Variants in DSCAML1 observed in about 807,000 individuals in gnomAD.
The protein encoded by DSCAML1 is DS cell adhesion molecule like 1.
DSCAML1 carries 38 observed loss-of-function variants against 200.5 expected under a neutral mutation model. That is an observed-to-expected ratio of 0.19 (90% CI 0.15 to 0.25). The LOEUF is 0.25. DSCAML1 is among the 10% of genes least tolerant of loss of function. The pLI is 1.00. For synonymous variants in DSCAML1, 1,215 were observed against 1,165.0 expected (o/e 1.04, Z -0.87); for missense variants, 2,223 against 2,858.8 (o/e 0.78, Z 5.07).
intron 3 of DSCAML1, among the ~76,000 whole-genome samples, chr11:117,722,907 A>C (rs956710121): frequency 7.2e-5 from 11 of 152,208 alleles, no homozygotes; most frequent in African/African-American, 2.7e-4. Context: ...TGTCCTACCC[A>C]TAACTCCAGT....
chr11:117,504,976 G>T lies in DSCAML1; in HGVS notation c.2130C>A (p.Asn710Lys). The T allele has an allele frequency of 6.2e-7, 1 of 1,612,820 alleles. No homozygotes were observed. Among genetic ancestry groups the T allele is most frequent in the Non-Finnish European group, 8.5e-7 (1 of 1,179,258 alleles). Residue 710 changes from asparagine (N) to lysine (K), a missense_variant, in exon 10 of 33, where the codon AAC becomes AAA. This residue lies in a region of DSCAML1 where 212 missense variants were observed against 368.0 expected (regional missense o/e 0.58). Transcript: ENST00000651296. This position sits in a 1 kb window ranked among gnomAD's most constrained non-coding sequence, Gnocchi z 5.0. ...DGIYGKAGVL[N>K]CSVDGYPPPK... ...GTGGGGGGTAGCCGTCCACCGAGCA[G>T]TTGAGCACACCAGCTTTGCCGTAGA...
chr11:117,697,215 C>T (rs1164717915), intron 3 of DSCAML1, among the ~76,000 whole-genome samples: 1 of 152,234 alleles, frequency 6.6e-6, no homozygotes, highest in African/African-American at 2.4e-5. Flanking sequence ...GACTCCTGCA[C>T]AAGGCCACCT....
At chr11:117,807,105 T>C (rs1591525570) in intron 1 of DSCAML1, among the ~76,000 whole-genome samples, 1 of 152,232 alleles carries the variant, frequency 6.6e-6, no homozygotes, top group Admixed American at 6.5e-5. Flanking sequence ...GATTTCAGGC[T>C]AGCCACTTCC....
intron 3 of DSCAML1, among the ~76,000 whole-genome samples, chr11:117,648,185 T>C (rs986545206): frequency 3.9e-5 from 6 of 152,220 alleles, no homozygotes; most frequent in Non-Finnish European, 8.8e-5. Context: ...GAGGGGGGCC[T>C]CAGTGACCTG....
At chr11:117,596,460 GA>G (rs1297013811) in intron 3 of DSCAML1, among the ~76,000 whole-genome samples, 43 of 80,482 alleles carry the variant, frequency 5.3e-4, no homozygotes, top group Non-Finnish European at 1.2e-3. Context: ...GAGGAGGAGA[GA>G]GAGAGAAGAG....
At chr11:117,786,010 C>A (rs976224179) in intron 1 of DSCAML1, among the ~76,000 whole-genome samples, 11 of 152,192 alleles carry the variant, frequency 7.2e-5, no homozygotes, top group Non-Finnish European at 1.6e-4. Context: ...CCCCTCATGC[C>A]TTCTCTCCAA....
At chr11:117,691,079 A>T (rs2137719465) in intron 3 of DSCAML1, among the ~76,000 whole-genome samples, 1 of 152,360 alleles carries the variant, frequency 6.6e-6, no homozygotes, top group Non-Finnish European at 1.5e-5. Flanking sequence ...GGGAGGAAAC[A>T]CACACATGTG....
Position 117,431,680 on chromosome 11 carries a change from C to A in DSCAML1, c.5228G>T (p.Arg1743Leu). Residue 1743 changes from arginine to leucine, a missense_variant, in exon 31 of 33, where the codon CGG becomes CTG. Coordinates refer to ENST00000651296, the MANE Select transcript of DSCAML1 (RefSeq NM_020693.4). ...GGTCAGGGTCCACTGGCTTGAGTAC[C>A]GGTTCCGGGTGCTGTGGGCTGACTT... ...NVKSAHSTRNRYSSQWTLTKC... is the reference protein window; with the variant it reads ...NVKSAHSTRNLYSSQWTLTKC... The A allele has an allele frequency of 6.2e-7, 1 of 1,609,194 alleles. No individual in the cohort carries two copies. Among genetic ancestry groups the A allele is most frequent in the Non-Finnish European group, 8.5e-7 (1 of 1,176,946 alleles).
chr11:117,643,028 C>G (rs186278419), intron 3 of DSCAML1, among the ~76,000 whole-genome samples: 1 of 152,330 alleles, frequency 6.6e-6, no homozygotes, highest in East Asian at 1.9e-4. Context: ...GCAGGGATTT[C>G]AGACTTTGCC....
chr11:117,812,522 G>A (rs560474952), intron 1 of DSCAML1, among the ~76,000 whole-genome samples: 4 of 151,886 alleles, frequency 2.6e-5, no homozygotes, highest in African/African-American at 4.8e-5. Flanking sequence ...GATCTCAAAC[G>A]TGCTTTCTTT....
intron 8 of DSCAML1, among the ~76,000 whole-genome samples, chr11:117,512,799 A>ACC (rs371676414): frequency 0.14 from 18,880 of 137,282 alleles, 1,508 homozygotes; most frequent in South Asian, 0.25. Context: ...ACACACACAC[A>ACC]CACCCCTCCC....
At chr11:117,443,790 G>A (rs1012797296) in intron 21 of DSCAML1, 96 bp downstream of exon 21, 25 of 1,479,680 alleles carry the variant, frequency 1.7e-5, no homozygotes, top group Non-Finnish European at 4.5e-6. Flanking sequence ...GGCAGATAAA[G>A]CGGAGCAGGC....
At chr11:117,528,829 C>T (rs932186723) in intron 4 of DSCAML1, among the ~76,000 whole-genome samples, 1 of 152,150 alleles carries the variant, frequency 6.6e-6, no homozygotes, top group African/African-American at 2.4e-5. Context: ...ACCTAGATGT[C>T]TGGAATGATT....
At chr11:117,448,637 G>T (rs960209078) in intron 20 of DSCAML1, among the ~76,000 whole-genome samples, 3 of 88,424 alleles carry the variant, frequency 3.4e-5, no homozygotes, top group African/African-American at 1.2e-4. Flanking sequence ...GTGTGTGTGT[G>T]TGGGGGGTGG....
intron 3 of DSCAML1, among the ~76,000 whole-genome samples, chr11:117,666,489 T>A (rs532726722): frequency 1.3e-5 from 2 of 152,290 alleles, no homozygotes; most frequent in East Asian, 3.9e-4. Context: ...TTTCCTGATC[T>A]GGCCTCTCAG....
At chr11:117,521,470 T>C (rs2049886635) in intron 5 of DSCAML1, 65 bp from the exon 6 acceptor site, 1 of 1,542,502 alleles carries the variant, frequency 6.5e-7, no homozygotes. Context: ...AAGGGCTTAC[T>C]GTGAGTGGAG....
chr11:117,569,201 C>T (rs1565795351), intron 3 of DSCAML1, among the ~76,000 whole-genome samples: 1 of 152,164 alleles, frequency 6.6e-6, no homozygotes, highest in Non-Finnish European at 1.5e-5. Flanking sequence ...CTTCCTTACA[C>T]CTTATACAAA....
chr11:117,646,706 C>T (rs2052528868), intron 3 of DSCAML1, among the ~76,000 whole-genome samples: 1 of 152,076 alleles, frequency 6.6e-6, no homozygotes, highest in Non-Finnish European at 1.5e-5. Context: ...AGTAATTACA[C>T]CACGGAAATC....
chr11:117,486,717 C>T (rs1306632799), intron 11 of DSCAML1, among the ~76,000 whole-genome samples: 2 of 152,032 alleles, frequency 1.3e-5, no homozygotes, highest in Non-Finnish European at 2.9e-5. Context: ...CCAGGTGATT[C>T]CACAGAATCC....
Sources: allele counts gnomAD v4.1 joint callset (sites outside exome capture counted in the v4.1 genomes callset), GRCh38; gene constraint gnomAD v4.1.1; regional missense constraint gnomAD v4.1.1; non-coding constraint Gnocchi (gnomAD v3.1); transcripts MANE v1.5; gene names NCBI Gene and HGNC (gene_info 2026-07-23, HGNC 2026-07-21).